NFYA: variants seen among roughly 807,000 people sequenced by gnomAD.
NFYA encodes nuclear transcription factor Y subunit alpha.
In NFYA, 28 loss-of-function variants were observed where a neutral mutation model predicts 52.8. That is an observed-to-expected ratio of 0.53 (90% confidence interval 0.39 to 0.73). The LOEUF is 0.73. Among genes scored for constraint, NFYA ranks in the 30% least tolerant of loss-of-function variants. The pLI is 0.00. For missense variants in NFYA, 234 were observed against 427.0 expected (o/e 0.55, Z 3.98); for synonymous variants, 150 against 150.7 (o/e 1.00, Z 0.03).
chr6:41,097,428 G>A lies in NFYA; in HGVS notation c.*18G>A. On this transcript the variant is annotated 3_prime_UTR_variant, in exon 10 of 10. Coordinates refer to ENST00000341376, the MANE Select transcript of NFYA (RefSeq NM_002505.5). ...TGTCCTAACCCCACGCCATGTGATG[G>A]AGCTGATCAAGGTCATGTTTCTCAC... The A allele has an allele frequency of 1.2e-6, 2 of 1,613,094 alleles. No homozygotes were observed. Among genetic ancestry groups the A allele is most frequent in the South Asian group, 1.1e-5 (1 of 91,002 alleles).
At chr6:41,080,960 C>A in intron 3 of NFYA, 63 bp downstream of exon 3, 1 of 1,352,796 alleles carries the variant, frequency 7.4e-7, no homozygotes, top group Non-Finnish European at 1.1e-6. Context: ...ATGTCTGGTG[C>A]TGTTTGTGTT....
chr6:41,099,637 A>G lies in NFYA; in HGVS notation c.*2227A>G, dbSNP rs1764448108. On this transcript the variant is annotated 3_prime_UTR_variant, in exon 10 of 10. Coordinates refer to ENST00000341376, the MANE Select transcript of NFYA (RefSeq NM_002505.5). ...TTTATTCATTTTTATTTGTGACTGT[A>G]GTGATAACTTTACAGATGGAGAAAG... 6.6e-6 allele frequency: 1 copy of G among 151,188 alleles called. No homozygotes were observed. The highest frequency in any genetic ancestry group is 6.6e-5 in the Admixed American group (1 of 15,206). 9.4% of individuals were successfully genotyped at this position (151,188 alleles called of 1,614,324 possible). A position where few individuals can be genotyped will look rare whatever the true frequency, so the allele number is the denominator to read the frequency against.
In NFYA at chr6:41,092,905, C is replaced by CA; in HGVS notation, c.715-6dup. ...CACCAATAAGCTCTGGTTTCCTGTTCACACAGATGGTTCCTGGGGCTGGCT... is the reference window on the plus strand; with the variant it reads ...CACCAATAAGCTCTGGTTTCCTGTTCAACACAGATGGTTCCTGGGGCTGGCT... On this transcript the variant is annotated splice_region_variant and splice_polypyrimidine_tract_variant and intron_variant, in intron 7 of 9. Coordinates refer to ENST00000341376, the MANE Select transcript of NFYA (RefSeq NM_002505.5). 6.2e-7 allele frequency: 1 copy of CA among 1,611,992 alleles called. No individual in the cohort carries two copies. Among genetic ancestry groups the CA allele is most frequent in the South Asian group, 1.1e-5 (1 of 90,682 alleles).
At chr6:41,081,615 G>A (rs1763908139) in intron 3 of NFYA, among the ~76,000 whole-genome samples, 1 of 152,168 alleles carries the variant, frequency 6.6e-6, no homozygotes. Flanking sequence ...ACATAAACTA[G>A]GCTAGGCTGT....
chr6:41,073,292 C>T (rs990568518), intron 1 of NFYA, among the ~76,000 whole-genome samples: 2 of 151,666 alleles, frequency 1.3e-5, no homozygotes, highest in South Asian at 4.1e-4. Flanking sequence ...GGGGCCGCCC[C>T]GCGCGGGGAT....
rs572903103 is a variant in NFYA, at chr6:41,100,043, G to T, written c.*2633G>T. ...TTTGTGTTTCCAGTGTTGAAATTTT[G>T]ATCTCCCCCGACAAGACTTGTCTGC... On this transcript the variant is annotated 3_prime_UTR_variant, in exon 10 of 10. Coordinates refer to ENST00000341376, the MANE Select transcript of NFYA (RefSeq NM_002505.5). 6.6e-6 allele frequency: 1 copy of T among 152,084 alleles called. No individual in the cohort carries two copies. The highest frequency in any genetic ancestry group is 1.5e-5 in the Non-Finnish European group (1 of 68,026). 9.4% of individuals were successfully genotyped at this position (152,084 alleles called of 1,614,324 possible).
chr6:41,090,125 T>G, intron 5 of NFYA, 79 bp from the exon 6 acceptor site: 1 of 983,226 alleles, frequency 1.0e-6, no homozygotes, highest in Non-Finnish European at 1.6e-6. Context: ...AAAAAATAAT[T>G]TTTTTTTTTA....
rs533510981 is a variant in NFYA, at chr6:41,081,155, A to G, written c.162+258A>G. 1.8e-4 allele frequency among the ~76,000 whole-genome samples: 27 copies of G among 152,356 alleles called. 1 individual carries two copies. The South Asian group carries it at 4.8e-3, about 27-fold the overall frequency. On this transcript the variant is annotated intron_variant, in intron 3 of 9. Coordinates refer to ENST00000341376, the MANE Select transcript of NFYA (RefSeq NM_002505.5). ...TGAGAATGCCTGGAAAAGAAATGGTATAAGTGACAGGAAGAAATTCTTATA... is the reference window on the plus strand; with the variant it reads ...TGAGAATGCCTGGAAAAGAAATGGTGTAAGTGACAGGAAGAAATTCTTATA...
chr6:41,089,745 C>G (rs982328936), intron 5 of NFYA, 35 bp downstream of exon 5: 2 of 1,602,056 alleles, frequency 1.2e-6, no homozygotes, highest in African/African-American at 1.3e-5. Flanking sequence ...AGGAGCAAAA[C>G]TGATTTGGAA....
chr6:41,097,256 G>GTA, intron 9 of NFYA, 101 bp from the exon 10 acceptor site: 1 of 1,065,756 alleles, frequency 9.4e-7, no homozygotes, highest in African/African-American at 1.6e-5. Flanking sequence ...GATTTACTTG[G>GTA]TAAAGTTATG....
chr6:41,075,101 CATTT>C (rs1763697547), intron 1 of NFYA, among the ~76,000 whole-genome samples: 1 of 152,134 alleles, frequency 6.6e-6, no homozygotes, highest in Non-Finnish European at 1.5e-5. Flanking sequence ...TTTCTTAATT[CATTT>C]GATTGTCACG....
chr6:41,092,475 A>G (rs1177583604), intron 7 of NFYA, among the ~76,000 whole-genome samples: 1 of 152,232 alleles, frequency 6.6e-6, no homozygotes, highest in East Asian at 1.9e-4. Flanking sequence ...GTTTTTACCT[A>G]CATTTAGTAC....
At position 41,097,611 on chromosome 6, in the gene NFYA, TTCAG is replaced by T. The variant is rs1289400219; in HGVS notation, c.*206_*209del. 4 of 567,180 alleles carry T rather than the reference TTCAG, an allele frequency of 7.1e-6. No homozygotes were observed. The highest frequency in any genetic ancestry group is 5.7e-5 in the African/African-American group (3 of 53,026). The allele number at this position is 567,180 out of a possible 1,614,324, so 35.1% of individuals were successfully genotyped here. A position where few individuals can be genotyped will look rare whatever the true frequency, so the allele number is the denominator to read the frequency against. On this transcript the variant is annotated 3_prime_UTR_variant, in exon 10 of 10. Coordinates refer to ENST00000341376, the MANE Select transcript of NFYA (RefSeq NM_002505.5). ...AAGTTGCAAGCCTTTGTCTTACTCTTTCAGTCAGGACCTATTTCAGACTGTTGAT... is the reference window on the plus strand; with the variant it reads ...AAGTTGCAAGCCTTTGTCTTACTCTTTCAGGACCTATTTCAGACTGTTGAT...
rs745791252 is a variant in NFYA, at chr6:41,090,190, C to T, written c.442-14C>T. ...TGGGATCTGTTGAATTGTGTCATTA[C>T]TTATTTCCTCCAGACACAGCAGCAG... is the stretch of plus-strand genomic sequence containing the variant. On this transcript the variant is annotated splice_polypyrimidine_tract_variant and intron_variant, in intron 5 of 9. Transcript: ENST00000341376. The T allele has an allele frequency of 1.3e-6, 2 of 1,551,682 alleles. No homozygotes were observed. Among genetic ancestry groups the T allele is most frequent in the Non-Finnish European group, 8.9e-7 (1 of 1,124,560 alleles).
intron 2 of NFYA, 51 bp downstream of exon 2, chr6:41,079,215 C>A: frequency 6.5e-7 from 1 of 1,539,526 alleles, no homozygotes; most frequent in Non-Finnish European, 9.0e-7. Flanking sequence ...CTGATAACAG[C>A]ACCACTCAAT....
chr6:41,080,979 C>T, intron 3 of NFYA, 82 bp downstream of exon 3: 1 of 1,130,182 alleles, frequency 8.8e-7, no homozygotes, highest in Admixed American at 1.8e-5. Flanking sequence ...TTAGGATCTC[C>T]AGTAGGAATG....
Position 41,099,550 on chromosome 6 carries a change from T to C in NFYA, c.*2140T>C, listed in dbSNP as rs1178122368. 2 of 152,252 alleles carry C rather than the reference T, an allele frequency of 1.3e-5. No homozygotes were observed. The highest frequency in any genetic ancestry group is 4.1e-4 in the South Asian group (2 of 4,834). The allele number at this position is 152,252 out of a possible 1,614,324, so 9.4% of individuals were successfully genotyped here. ...TTCTTGTGGTCACTTTGGCACACCA[T>C]AGTAGCCCACAAAGTGGGGGCAGGG... is the stretch of plus-strand genomic sequence containing the variant. On this transcript the variant is annotated 3_prime_UTR_variant, in exon 10 of 10. Coordinates refer to ENST00000341376, the MANE Select transcript of NFYA (RefSeq NM_002505.5).
In NFYA at chr6:41,097,462, G is replaced by A. The variant is rs374172740; in HGVS notation, c.*52G>A. On this transcript the variant is annotated 3_prime_UTR_variant, in exon 10 of 10. Transcript: ENST00000341376. Reference sequence around the variant, plus strand: ...AAGGTCATGTTTCTCACTGTTCCAGGAAATTGATCAACTCTTCCAATGGGA... The same window carrying A: ...AAGGTCATGTTTCTCACTGTTCCAGAAAATTGATCAACTCTTCCAATGGGA... 58 of 1,578,940 alleles carry A rather than the reference G, an allele frequency of 3.7e-5. No individual in the cohort carries two copies. The highest frequency in any genetic ancestry group is 3.3e-4 in the Middle Eastern group (2 of 6,016).
intron 4 of NFYA, among the ~76,000 whole-genome samples, chr6:41,086,919 AAT>A (rs1405156345): frequency 6.6e-6 from 1 of 152,196 alleles, no homozygotes; most frequent in African/African-American, 2.4e-5. Flanking sequence ...TTCAAAAGAA[AAT>A]ATAAGAATTT....
Sources: gnomAD v4.1 joint callset for allele counts (sites outside exome capture counted in the v4.1 genomes callset) on GRCh38, gnomAD v4.1.1 for gene constraint, MANE v1.5 for transcripts, NCBI Gene and HGNC (gene_info 2026-07-23, HGNC 2026-07-21) for gene names.